RABGAP1L: variants seen among roughly 807,000 people sequenced by gnomAD.
The protein encoded by RABGAP1L is rab GTPase-activating protein 1-like.
A neutral mutation model predicts 137.7 loss-of-function variants in RABGAP1L; 63 were observed. The observed-to-expected ratio is 0.46, with a 90% CI of 0.37 to 0.56. The LOEUF is 0.56. Ranked by LOEUF, RABGAP1L falls within the 20% of genes least tolerant of loss-of-function variation. The pLI is 0.00. For synonymous variants in RABGAP1L, 431 were observed against 433.7 expected (o/e 0.99, Z 0.08); for missense variants, 1,095 against 1,244.0 (o/e 0.88, Z 1.80).
chr1:174,741,044 TG>T (rs770179970), intron 17 of RABGAP1L, among the ~76,000 whole-genome samples: 2,985 of 118,534 alleles, frequency 0.025, 49 homozygotes, highest in Middle Eastern at 0.092. Context: ...TTTTTTGTTT[TG>T]TTTTTTTTTT....
At chr1:174,536,076 T>C (rs1228597561) in intron 13 of RABGAP1L, among the ~76,000 whole-genome samples, 2 of 152,146 alleles carry the variant, frequency 1.3e-5, no homozygotes, top group Non-Finnish European at 2.9e-5. Flanking sequence ...CTTGTCCTTA[T>C]CTCACCTCAG....
At chr1:174,588,806 C>T (rs1435870142) in intron 13 of RABGAP1L, among the ~76,000 whole-genome samples, 1 of 152,010 alleles carries the variant, frequency 6.6e-6, no homozygotes, top group African/African-American at 2.4e-5. Context: ...CTGAATAGTA[C>T]TCCATTGTGT....
chr1:174,773,313 C>T (rs988893366), intron 18 of RABGAP1L, among the ~76,000 whole-genome samples: 2 of 152,054 alleles, frequency 1.3e-5, no homozygotes, highest in African/African-American at 4.8e-5. Context: ...ATCACTTGAG[C>T]CCATGAGTGC....
intron 20 of RABGAP1L, among the ~76,000 whole-genome samples, chr1:174,967,340 T>C (rs1669726046): frequency 6.7e-6 from 1 of 149,302 alleles, no homozygotes; most frequent in South Asian, 2.1e-4. Context: ...ATTTTTTTTT[T>C]TTTTTTTTTT....
chr1:174,700,091 G>A (rs1435394678), intron 16 of RABGAP1L, among the ~76,000 whole-genome samples: 1 of 152,100 alleles, frequency 6.6e-6, no homozygotes, highest in Non-Finnish European at 1.5e-5. Context: ...ATACTGTAGG[G>A]ATACATTTAA....
chr1:174,683,642 AT>A, intron 15 of RABGAP1L, 46 bp downstream of exon 15: 1 of 1,421,696 alleles, frequency 7.0e-7, no homozygotes, highest in Non-Finnish European at 9.9e-7. Flanking sequence ...TGCCAAGTTT[AT>A]TTTACTTTCT....
chr1:174,656,173 C>T (rs1016365892), intron 14 of RABGAP1L, among the ~76,000 whole-genome samples: 1 of 152,098 alleles, frequency 6.6e-6, no homozygotes, highest in Non-Finnish European at 1.5e-5. Context: ...GTGTACAATT[C>T]AGGCTGGGCA....
rs142608570 is a variant in RABGAP1L at position 174,262,591 on chromosome 1, C to T, written c.987-9823C>T. ...TACAGTATCACAGCTAGGAAACTGG[C>T]ATTGGTACAATTTGCAGACCTCTAT... On this transcript the variant is annotated intron_variant, in intron 7 of 25. Transcript: ENST00000681986. Among the ~76,000 whole-genome samples the T allele has an allele frequency of 6.8e-4, 104 of 152,308 alleles. 1 individual carries two copies. The highest frequency in any genetic ancestry group is 2.3e-3 in the African/African-American group (95 of 41,576).
chr1:174,248,659 C>T lies in RABGAP1L; in HGVS notation c.718-1816C>T, dbSNP rs1036757294. 2.0e-5 allele frequency among the ~76,000 whole-genome samples: 3 copies of T among 152,098 alleles called. No homozygotes were observed. In the South Asian group the frequency reaches 6.2e-4, roughly 32 times the overall value. On this transcript the variant is annotated intron_variant, in intron 5 of 25. Coordinates refer to ENST00000681986, the MANE Select transcript of RABGAP1L (RefSeq NM_001366446.1). ...TTCGGAAGTTTTTGAATGTGTTAGACTGTGTGTGCTTGTACAAGAAAAAGT... is the reference window on the plus strand; with the variant it reads ...TTCGGAAGTTTTTGAATGTGTTAGATTGTGTGTGCTTGTACAAGAAAAAGT...
chr1:174,313,697 G>A lies in RABGAP1L; in HGVS notation c.1465+8570G>A, dbSNP rs868821189. On this transcript the variant is annotated intron_variant, in intron 11 of 25. Transcript: ENST00000681986. ...TTGAGGTATGTTCCTTCTATCTCAAGCTTTTTTGAGGGTTTTTAATCATGA... is the reference window on the plus strand; with the variant it reads ...TTGAGGTATGTTCCTTCTATCTCAAACTTTTTTGAGGGTTTTTAATCATGA... Among the ~76,000 whole-genome samples, 4 of 152,200 alleles carry A rather than the reference G, an allele frequency of 2.6e-5. No homozygotes were observed. In the South Asian group the frequency reaches 8.3e-4, roughly 32 times the overall value.
chr1:174,984,936 C>T (rs1172196371), intron 24 of RABGAP1L, among the ~76,000 whole-genome samples: 1 of 152,110 alleles, frequency 6.6e-6, no homozygotes, highest in African/African-American at 2.4e-5. Flanking sequence ...TGAGTGAAGA[C>T]GCAAACACAG....
chr1:174,374,095 T>G (rs922275462), intron 12 of RABGAP1L, among the ~76,000 whole-genome samples: 1 of 152,212 alleles, frequency 6.6e-6, no homozygotes, highest in Non-Finnish European at 1.5e-5. Flanking sequence ...ACTTTTATGG[T>G]CCAACCATGT....
intron 10 of RABGAP1L, among the ~76,000 whole-genome samples, chr1:174,287,409 T>A (rs1676155236): frequency 6.6e-6 from 1 of 152,204 alleles, no homozygotes; most frequent in African/African-American, 2.4e-5. Flanking sequence ...ATTTTCAGCC[T>A]GTGTGTTCTC....
intron 17 of RABGAP1L, among the ~76,000 whole-genome samples, chr1:174,719,751 A>T (rs942355890): frequency 1.3e-5 from 2 of 152,236 alleles, no homozygotes; most frequent in African/African-American, 4.8e-5. Context: ...AGAGTGTATC[A>T]TCAGTCCAAA....
chr1:174,784,367 C>T (rs971428219), intron 18 of RABGAP1L, among the ~76,000 whole-genome samples: 1 of 152,016 alleles, frequency 6.6e-6, no homozygotes, highest in African/African-American at 2.4e-5. Context: ...CCTACTTATT[C>T]TCTATTCTTC....
At chr1:174,872,146 GT>G (rs1027311505) in intron 19 of RABGAP1L, among the ~76,000 whole-genome samples, 2 of 148,696 alleles carry the variant, frequency 1.3e-5, no homozygotes, top group African/African-American at 2.5e-5. Context: ...TTAATGCTAG[GT>G]TTTTTTTTTC....
rs1349225848 is a variant in RABGAP1L, at chr1:174,550,999, C to CACATATAT, written c.1711-86375_1711-86374insCATATATA. 2.5e-4 allele frequency among the ~76,000 whole-genome samples: 22 copies of CACATATAT among 86,346 alleles called. 2 individuals are homozygous for CACATATAT. Among genetic ancestry groups the CACATATAT allele is most frequent in the African/African-American group, 1.8e-3 (22 of 12,058 alleles). 56.6% of individuals were successfully genotyped at this position (86,346 alleles called of 152,430 possible). A position where few individuals can be genotyped will look rare whatever the true frequency, so the allele number is the denominator to read the frequency against. On this transcript the variant is annotated intron_variant, in intron 13 of 25. Coordinates refer to ENST00000681986, the MANE Select transcript of RABGAP1L (RefSeq NM_001366446.1). ...GTATATATACATATATATATATACA[C>CACATATAT]ATATATATATATATATATATATACA...
In RABGAP1L at chr1:174,595,980, C is replaced by G. The variant is rs1178610660; in HGVS notation, c.1711-41395C>G. ...TCGTTGCCGCCTTGCAGTTTGATCT[C>G]AGACTGCTGTGCTAGCAATCAGCGA... On this transcript the variant is annotated intron_variant, in intron 13 of 25. Transcript: ENST00000681986. 2.0e-5 allele frequency among the ~76,000 whole-genome samples: 2 copies of G among 102,236 alleles called. 1 individual carries two copies. Among genetic ancestry groups the G allele is most frequent in the Non-Finnish European group, 3.6e-5 (2 of 55,142 alleles). 67.1% of individuals were successfully genotyped at this position (102,236 alleles called of 152,430 possible).
rs1683478436 is a variant in RABGAP1L, at chr1:174,354,787, GT to G, written c.1466-16188del. ...TAGGTTTTCTTCTAGGGTTTTTATGGTTTTAGGTCTAACATGTAAGTCTTTA... is the reference window on the plus strand; with the variant it reads ...TAGGTTTTCTTCTAGGGTTTTTATGGTTTAGGTCTAACATGTAAGTCTTTA... On this transcript the variant is annotated intron_variant, in intron 11 of 25. Transcript: ENST00000681986. 7.2e-5 allele frequency among the ~76,000 whole-genome samples: 11 copies of G among 152,248 alleles called. No individual in the cohort carries two copies. In the South Asian group the frequency reaches 2.3e-3, roughly 32 times the overall value.
Sources: gnomAD v4.1 joint callset for allele counts (sites outside exome capture counted in the v4.1 genomes callset) on GRCh38, gnomAD v4.1.1 for gene constraint, MANE v1.5 for transcripts, NCBI Gene and HGNC (gene_info 2026-07-23, HGNC 2026-07-21) for gene names.